SPOPL: variants seen among roughly 807,000 people sequenced by gnomAD.
SPOPL encodes the protein speckle type BTB/POZ protein like.
In SPOPL, 23 loss-of-function variants were observed where a neutral mutation model predicts 53.8. That is an observed-to-expected ratio of 0.43 (90% confidence interval 0.31 to 0.61). The LOEUF (loss-of-function observed/expected upper bound fraction) is 0.61, where lower values mean the gene tolerates loss of function less well. Ranked by LOEUF, SPOPL falls within the 20% of genes least tolerant of loss-of-function variation. The pLI, the probability that SPOPL is intolerant of heterozygous loss-of-function variation, is 0.12. For synonymous variants in SPOPL, 164 were observed against 149.7 expected (o/e 1.10, Z -0.70); for missense variants, 442 against 466.9 (o/e 0.95, Z 0.49).
intron 1 of SPOPL, among the ~76,000 whole-genome samples, chr2:138,524,107 T>G (rs577436013): frequency 1.3e-5 from 2 of 152,344 alleles, no homozygotes; most frequent in East Asian, 3.9e-4. Flanking sequence ...ATACATCTTC[T>G]GAAATCTAAG....
intron 1 of SPOPL, among the ~76,000 whole-genome samples, chr2:138,505,649 C>T (rs1218959944): frequency 6.7e-6 from 1 of 149,488 alleles, no homozygotes; most frequent in Non-Finnish European, 1.5e-5. Flanking sequence ...GTGGCACACA[C>T]CTGTAGTCCC....
intron 1 of SPOPL, among the ~76,000 whole-genome samples, chr2:138,527,024 C>T (rs142334804): frequency 6.6e-6 from 1 of 152,284 alleles, no homozygotes. Context: ...TGGCACCCAA[C>T]CTGAGTATGG....
At chr2:138,534,965 G>A (rs1291220447) in intron 1 of SPOPL, among the ~76,000 whole-genome samples, 1 of 152,040 alleles carries the variant, frequency 6.6e-6, no homozygotes, top group African/African-American at 2.4e-5. Flanking sequence ...TTATTTCATT[G>A]TGTGACCAGG....
At chr2:138,530,839 C>T (rs1684790176) in intron 1 of SPOPL, among the ~76,000 whole-genome samples, 1 of 151,796 alleles carries the variant, frequency 6.6e-6, no homozygotes, top group Non-Finnish European at 1.5e-5. Flanking sequence ...CTGGATAGGA[C>T]CTCTAGTACA....
chr2:138,546,644 T>C (rs1685201303), intron 1 of SPOPL, among the ~76,000 whole-genome samples: 1 of 152,228 alleles, frequency 6.6e-6, no homozygotes. Context: ...TTAAGTTTTG[T>C]AAAATATGGA....
chr2:138,557,902 T>C (rs1287363545), intron 5 of SPOPL, among the ~76,000 whole-genome samples: 1 of 152,210 alleles, frequency 6.6e-6, no homozygotes, highest in Non-Finnish European at 1.5e-5. Flanking sequence ...CTCACTCCTG[T>C]AATCCCAACA....
At chr2:138,568,111 C>G (rs147753499) in intron 10 of SPOPL, among the ~76,000 whole-genome samples, 1,758 of 152,022 alleles carry the variant, frequency 0.012, 40 homozygotes, top group African/African-American at 0.04. Flanking sequence ...ATTTGTGTTA[C>G]CAAGGGAACA....
intron 7 of SPOPL, among the ~76,000 whole-genome samples, chr2:138,559,586 A>G (rs1361931317): frequency 1.3e-5 from 2 of 152,200 alleles, no homozygotes; most frequent in African/African-American, 2.4e-5. Context: ...GTTGTTATCC[A>G]AAAGGATAGT....
chr2:138,566,913 A>G (rs1025658752), intron 10 of SPOPL, among the ~76,000 whole-genome samples: 3 of 152,220 alleles, frequency 2.0e-5, no homozygotes, highest in African/African-American at 4.8e-5. Context: ...GCTGAGTCTT[A>G]AAACACAAAT....
intron 1 of SPOPL, among the ~76,000 whole-genome samples, chr2:138,529,628 T>C (rs1468348783): frequency 1.3e-5 from 2 of 152,192 alleles, no homozygotes; most frequent in African/African-American, 4.8e-5. Flanking sequence ...ACAGTTGCTA[T>C]ATTTTAGGTT....
chr2:138,561,869 C>T (rs914988577), intron 8 of SPOPL, among the ~76,000 whole-genome samples: 1 of 152,042 alleles, frequency 6.6e-6, no homozygotes, highest in Non-Finnish European at 1.5e-5. Flanking sequence ...CCTTGCCCCC[C>T]TCCCTCTCTA....
intron 5 of SPOPL, chr2:138,554,380 A>T: frequency 9.8e-7 from 1 of 1,018,412 alleles, no homozygotes; most frequent in Non-Finnish European, 1.3e-6. Flanking sequence ...TTTAACTAAC[A>T]TTCTTCATGC....
chr2:138,517,520 C>T (rs1684464191), intron 1 of SPOPL, among the ~76,000 whole-genome samples: 1 of 151,944 alleles, frequency 6.6e-6, no homozygotes. Context: ...GCAGGAGGAT[C>T]GCAAGGTCAG....
chr2:138,544,819 C>T (rs527733006), intron 1 of SPOPL, among the ~76,000 whole-genome samples: 2 of 152,318 alleles, frequency 1.3e-5, no homozygotes, highest in Admixed American at 6.5e-5. Flanking sequence ...CCATCTTCTG[C>T]GTCGCTCACA....
At chr2:138,549,518 T>C (rs1216491097) in intron 1 of SPOPL, among the ~76,000 whole-genome samples, 1 of 152,110 alleles carries the variant, frequency 6.6e-6, no homozygotes, top group African/African-American at 2.4e-5. Context: ...ATGCATACCA[T>C]TGGATACAGT....
intron 1 of SPOPL, among the ~76,000 whole-genome samples, chr2:138,544,137 G>C (rs1358949054): frequency 6.6e-6 from 1 of 152,212 alleles, no homozygotes; most frequent in Non-Finnish European, 1.5e-5. Flanking sequence ...GTGTCAGTCT[G>C]CCCCTACTGG....
At chr2:138,541,004 A>G (rs1171668477) in intron 1 of SPOPL, among the ~76,000 whole-genome samples, 5 of 152,156 alleles carry the variant, frequency 3.3e-5, no homozygotes, top group Admixed American at 2.0e-4. Flanking sequence ...AGATAATCAT[A>G]TGGTTTTTTT....
intron 1 of SPOPL, among the ~76,000 whole-genome samples, chr2:138,518,731 G>A (rs1345294921): frequency 2.0e-5 from 3 of 152,194 alleles, no homozygotes; most frequent in African/African-American, 7.2e-5. Context: ...GCAGATTGGA[G>A]CTACTAGAGA....
chr2:138,559,121 T>C lies in SPOPL; in HGVS notation c.580T>C (p.Trp194Arg), dbSNP rs746680644. 14 of 1,613,706 alleles carry C rather than the reference T, an allele frequency of 8.7e-6. No individual in the cohort carries two copies. Among genetic ancestry groups the C allele is most frequent in the Non-Finnish European group, 1.2e-5 (14 of 1,179,848 alleles). ...TCTAGCAGAAGATTTAGGTAATCTC[T>C]GGGAAAACACAAGATTTACAGACTG... ...CRLAEDLGNL[W>R]ENTRFTDCSF... is the part of the protein sequence containing the mutation. Residue 194 changes from tryptophan to arginine, a missense_variant, in exon 6 of 11, where the codon TGG becomes CGG. Coordinates refer to ENST00000280098, the MANE Select transcript of SPOPL (RefSeq NM_001001664.3).
Sources: gnomAD v4.1 joint callset for allele counts (sites outside exome capture counted in the v4.1 genomes callset) on GRCh38, gnomAD v4.1.1 for gene constraint, MANE v1.5 for transcripts, NCBI Gene and HGNC (gene_info 2026-07-23, HGNC 2026-07-21) for gene names.